Variants in SLC12A2 observed in about 807,000 individuals in gnomAD.
SLC12A2 encodes the protein solute carrier family 12 member 2.
In SLC12A2, 67 loss-of-function variants were observed where a neutral mutation model predicts 136.3. The ratio of observed to expected loss-of-function variants is 0.49; its 90% CI spans 0.40 to 0.60. SLC12A2 has a LOEUF of 0.60. Among genes scored for constraint, SLC12A2 ranks in the 20% least tolerant of loss-of-function variants. The probability of loss-of-function intolerance (pLI) is 0.00; values close to 1 mark genes in which losing one functional copy is unlikely to be tolerated. For synonymous variants in SLC12A2, 619 were observed against 562.9 expected (o/e 1.10, Z -1.41); for missense variants, 1,322 against 1,534.7 (o/e 0.86, Z 2.32).
At chr5:128,145,409 A>G (rs1762503431) in intron 10 of SLC12A2, among the ~76,000 whole-genome samples, 1 of 152,102 alleles carries the variant, frequency 6.6e-6, no homozygotes, top group African/African-American at 2.4e-5. Flanking sequence ...AATTGGGTTT[A>G]TTCATTTTAA....
intron 10 of SLC12A2, among the ~76,000 whole-genome samples, chr5:128,147,329 G>C (rs1051626687): frequency 6.6e-6 from 1 of 151,602 alleles, no homozygotes; most frequent in Non-Finnish European, 1.5e-5. Context: ...GTGGGGAATA[G>C]CCCTAAGTTG....
At chr5:128,182,621 C>G (rs1446313301) in intron 23 of SLC12A2, among the ~76,000 whole-genome samples, 2 of 152,038 alleles carry the variant, frequency 1.3e-5, no homozygotes, top group East Asian at 3.8e-4. Flanking sequence ...GTCCATTACT[C>G]AGTGCTAAGG....
At chr5:128,089,881 G>A (rs947597195) in intron 1 of SLC12A2, among the ~76,000 whole-genome samples, 1 of 152,190 alleles carries the variant, frequency 6.6e-6, no homozygotes, top group East Asian at 1.9e-4. Flanking sequence ...TCATTTCAGT[G>A]TATAGCTTTA....
Position 128,167,834 on chromosome 5 carries a change from T to G in SLC12A2, c.2690T>G (p.Met897Arg). Reference protein sequence around the residue: ...GFKKDWLQADMRDVDMYINLF... With the variant: ...GFKKDWLQADRRDVDMYINLF... The stretch of plus-strand genomic sequence containing the variant: ...AAGAAAGATTGGTTGCAAGCAGATA[T>G]GAGGGATGTGGATATGTATATAAAC... The change falls in exon 18 of 27, where the codon ATG becomes AGG. Residue 897 changes from methionine to arginine, a missense_variant. Met to Arg is a moderately conservative substitution (Grantham distance 91, BLOSUM62 -1). Transcript: ENST00000262461. 6.2e-7 allele frequency: 1 copy of G among 1,604,816 alleles called. No individual in the cohort carries two copies.
intron 11 of SLC12A2, 100 bp downstream of exon 11, chr5:128,147,829 C>G (rs1159526823): frequency 1.5e-6 from 1 of 663,584 alleles, no homozygotes; most frequent in Non-Finnish European, 2.7e-6. Context: ...CTTCTATCAA[C>G]CATATATACA....
chr5:128,112,478 G>A (rs1361076441), intron 1 of SLC12A2, among the ~76,000 whole-genome samples: 2 of 152,170 alleles, frequency 1.3e-5, no homozygotes, highest in Non-Finnish European at 2.9e-5. Context: ...TTGAGAGATG[G>A]GGTCTGAATT....
intron 1 of SLC12A2, among the ~76,000 whole-genome samples, chr5:128,103,393 AC>A (rs1760814591): frequency 6.6e-6 from 1 of 152,144 alleles, no homozygotes; most frequent in South Asian, 2.1e-4. Context: ...CCTATCTCTG[AC>A]TTGAGAACAG....
chr5:128,089,800 C>T (rs933258265), intron 1 of SLC12A2, among the ~76,000 whole-genome samples: 1 of 152,190 alleles, frequency 6.6e-6, no homozygotes, highest in Admixed American at 6.5e-5. Flanking sequence ...TACAGAATCT[C>T]CTCTAACCAT....
intron 20 of SLC12A2, among the ~76,000 whole-genome samples, chr5:128,175,914 TATA>T (rs1763527116): frequency 6.6e-6 from 1 of 152,040 alleles, no homozygotes; most frequent in South Asian, 2.1e-4. Context: ...TATTGAATGC[TATA>T]ATATTAAATC....
chr5:128,086,929 A>G (rs770826460), intron 1 of SLC12A2, among the ~76,000 whole-genome samples: 5 of 152,230 alleles, frequency 3.3e-5, no homozygotes, highest in Non-Finnish European at 5.9e-5. Context: ...TAGAATTTTT[A>G]TAACACCTAA....
chr5:128,171,708 T>C lies in SLC12A2; in HGVS notation c.2765T>C (p.Leu922Pro). 1 of 1,590,194 alleles carries C rather than the reference T, an allele frequency of 6.3e-7. No individual in the cohort carries two copies. Among genetic ancestry groups the C allele is most frequent in the Non-Finnish European group, 8.5e-7 (1 of 1,172,396 alleles). Reference protein sequence around the residue: ...DIQYGVVVIRLKEGLDISHLQ... With the variant: ...DIQYGVVVIRPKEGLDISHLQ... Reference sequence around the variant, plus strand: ...CAATATGGAGTAGTGGTTATTCGCCTAAAAGAAGGTCTGGATATATCTCAT... The same window carrying C: ...CAATATGGAGTAGTGGTTATTCGCCCAAAAGAAGGTCTGGATATATCTCAT... The change falls in exon 19 of 27, where the codon CTA becomes CCA. Residue 922 changes from leucine to proline, a missense_variant. By Grantham distance (98) the Leu-to-Pro change is moderately conservative (BLOSUM62 -3). Transcript: ENST00000262461.
At chr5:128,121,251 A>G (rs984124671) in intron 4 of SLC12A2, among the ~76,000 whole-genome samples, 7 of 152,220 alleles carry the variant, frequency 4.6e-5, no homozygotes, top group African/African-American at 1.7e-4. Context: ...GTCAAAATGT[A>G]GAAAATAAAA....
intron 4 of SLC12A2, among the ~76,000 whole-genome samples, chr5:128,126,966 A>ATTT (rs1554105175): frequency 0.037 from 778 of 21,158 alleles, 143 homozygotes; most frequent in South Asian, 0.077. Flanking sequence ...ATATATATAT[A>ATTT]TTTTTTTTTT....
chr5:128,134,151 A>AT lies in SLC12A2; in HGVS notation c.1189-12dup. 7.5e-7 allele frequency: 1 copy of AT among 1,331,254 alleles called. No homozygotes were observed. Among genetic ancestry groups the AT allele is most frequent in the Non-Finnish European group, 1.1e-6 (1 of 926,752 alleles). 82.5% of individuals were successfully genotyped at this position (1,331,254 alleles called of 1,614,324 possible). On this transcript the variant is annotated splice_polypyrimidine_tract_variant and intron_variant, in intron 5 of 26. Coordinates refer to ENST00000262461, the MANE Select transcript of SLC12A2 (RefSeq NM_001046.3). ...ACTAGTATTGCTTATTATATTTATG[A>AT]TTCCTTTTTCTAGGAACATTCCATA... is the stretch of plus-strand genomic sequence containing the variant.
At chr5:128,178,266 ATTTT>A (rs573323878) in intron 21 of SLC12A2, 11 of 174,856 alleles carry the variant, frequency 6.3e-5, no homozygotes, top group Non-Finnish European at 1.3e-4. Flanking sequence ...GCTCACTGTA[ATTTT>A]TTTTATTGTT....
At chr5:128,134,315 A>C in intron 6 of SLC12A2, 40 bp downstream of exon 6, 1 of 1,024,800 alleles carries the variant, frequency 9.8e-7, no homozygotes, top group East Asian at 2.4e-5. Flanking sequence ...TTTAATACGT[A>C]AACTTTTAGA....
At chr5:128,165,816 G>A (rs1281828100) in intron 17 of SLC12A2, among the ~76,000 whole-genome samples, 1 of 151,316 alleles carries the variant, frequency 6.6e-6, no homozygotes, top group East Asian at 1.9e-4. Context: ...TTCTGTGAGT[G>A]ACCCTGACAG....
intron 18 of SLC12A2, 39 bp from the exon 19 acceptor site, chr5:128,171,628 T>TG (rs772167549): frequency 7.3e-7 from 1 of 1,362,454 alleles, no homozygotes; most frequent in Non-Finnish European, 1.0e-6. Context: ...TTTGTGATTT[T>TG]TTTTTTGGTT....
At chr5:128,120,865 TA>T (rs1761546796) in intron 4 of SLC12A2, among the ~76,000 whole-genome samples, 1 of 152,044 alleles carries the variant, frequency 6.6e-6, no homozygotes, top group Non-Finnish European at 1.5e-5. Flanking sequence ...ATAATAATAA[TA>T]ATAAATAAAA....
Sources: gnomAD v4.1 joint callset for allele counts (sites outside exome capture counted in the v4.1 genomes callset) on GRCh38, gnomAD v4.1.1 for gene constraint, MANE v1.5 for transcripts, NCBI Gene and HGNC (gene_info 2026-07-23, HGNC 2026-07-21) for gene names.